The following PCMTD2 variants were observed in gnomAD, a reference collection of about 807,000 sequenced individuals.
PCMTD2 encodes protein-L-isoaspartate (D-aspartate) O-methyltransferase domain containing 2.
Under a neutral mutation model 33.4 loss-of-function variants are expected in PCMTD2, and 16 were observed. The observed-to-expected ratio is 0.48, with a 90% confidence interval of 0.32 to 0.73. The LOEUF is 0.73. Ranked by LOEUF, PCMTD2 falls within the 30% of genes least tolerant of loss-of-function variation. The pLI, the probability that PCMTD2 is intolerant of heterozygous loss-of-function variation, is 0.03. For synonymous variants in PCMTD2, 161 were observed against 160.8 expected, an observed-to-expected ratio of 1.00 and a Z score of -0.01; for missense variants, 374 against 449.9, an observed-to-expected ratio of 0.83 and a Z score of 1.53.
At position 64,267,934 on chromosome 20, in the gene PCMTD2, G is replaced by T. The variant is rs1985724037; in HGVS notation, c.630G>T (p.Lys210Asn). The T allele has an allele frequency of 2.5e-6, 4 of 1,613,546 alleles. No individual in the cohort carries two copies. Among genetic ancestry groups the T allele is most frequent in the Non-Finnish European group, 3.4e-6 (4 of 1,179,530 alleles). ...GTCCTTCAGCTTGGGAAACCAAAAA[G>T]ATTCTTGCTGTTTCTTTTGCTCCTC... ...RTGPSAWETK[K>N]ILAVSFAPLI... The change falls in exon 5 of 6, where the codon AAG becomes AAT. Residue 210 changes from lysine to asparagine, a missense_variant. Transcript: ENST00000308824.
chr20:64,265,951 A>G (rs907663163), intron 4 of PCMTD2, among the ~76,000 whole-genome samples: 8 of 152,202 alleles, frequency 5.3e-5, no homozygotes, highest in African/African-American at 1.9e-4. Context: ...TGTCACTGGG[A>G]AAAATAGTTT....
chr20:64,270,311 G>A (rs541973412), intron 5 of PCMTD2, among the ~76,000 whole-genome samples: 27 of 148,684 alleles, frequency 1.8e-4, no homozygotes, highest in African/African-American at 6.0e-4. Context: ...GTGTGGGATC[G>A]TGTGAGTGCA....
intron 1 of PCMTD2, among the ~76,000 whole-genome samples, chr20:64,259,211 G>C (rs542721225): frequency 1.3e-5 from 2 of 152,240 alleles, no homozygotes; most frequent in African/African-American, 2.4e-5. Context: ...GTCACAGTAC[G>C]TTCAATTTGG....
At chr20:64,259,359 C>T (rs954849025) in intron 1 of PCMTD2, among the ~76,000 whole-genome samples, 53 of 150,626 alleles carry the variant, frequency 3.5e-4, no homozygotes, top group African/African-American at 1.2e-3. Context: ...TAATATAGGA[C>T]ACCACCTAAA....
At chr20:64,265,077 A>G (rs916715429) in intron 3 of PCMTD2, among the ~76,000 whole-genome samples, 181 bp from the exon 4 acceptor site, 1 of 152,232 alleles carries the variant, frequency 6.6e-6, no homozygotes, top group Non-Finnish European at 1.5e-5. Flanking sequence ...AGTTCTAGTT[A>G]TATAGTATAA....
chr20:64,274,344 A>G lies in PCMTD2; in HGVS notation c.*744A>G, dbSNP rs1366218010. On this transcript the variant is annotated 3_prime_UTR_variant, in exon 6 of 6. Coordinates refer to ENST00000308824, the MANE Select transcript of PCMTD2 (RefSeq NM_018257.3). ...GACATCTTTTGATACCTTTAAAAGAACCACTGTCAAGTAATCCTTAAAAGA... is the reference window on the plus strand; with the variant it reads ...GACATCTTTTGATACCTTTAAAAGAGCCACTGTCAAGTAATCCTTAAAAGA... 1 of 151,658 alleles carries G rather than the reference A, an allele frequency of 6.6e-6. No homozygotes were observed. Among genetic ancestry groups the G allele is most frequent in the East Asian group, 1.9e-4 (1 of 5,202 alleles). The allele number at this position is 151,658 out of a possible 1,614,324, so 9.4% of individuals were successfully genotyped here.
chr20:64,270,428 C>T (rs1985865700), intron 5 of PCMTD2, among the ~76,000 whole-genome samples: 1 of 142,652 alleles, frequency 7.0e-6, no homozygotes, highest in East Asian at 2.1e-4. Flanking sequence ...TGTGGGCACA[C>T]GTGATGTGTC....
intron 5 of PCMTD2, among the ~76,000 whole-genome samples, chr20:64,270,000 GTGGGGTCGTAAGTTCAGGCGTGCACGGTA>G (rs1207152232): frequency 9.4e-5 from 14 of 149,554 alleles, no homozygotes; most frequent in African/African-American, 3.5e-4. Flanking sequence ...TGTGCACGGT[GTGGGGTCGTAAGTTCAGGCGTGCACGGTA>G]TGGGGTTGTG....
intron 4 of PCMTD2, chr20:64,265,672 C>G (rs112246168): frequency 5.1e-6 from 2 of 392,488 alleles, no homozygotes; most frequent in South Asian, 1.0e-4. Flanking sequence ...CTCTGTCTCT[C>G]TCTTTTTCCT....
rs762229962 is a variant in PCMTD2 at position 64,273,537 on chromosome 20, G to A, written c.1023G>A (p.Lys341=). The A allele has an allele frequency of 6.4e-7, 1 of 1,556,046 alleles. No homozygotes were observed. The highest frequency in any genetic ancestry group is 2.1e-5 in the Admixed American group (1 of 47,226). The change falls in exon 6 of 6, where the codon AAG becomes AAA. Residue 341 remains lysine, a synonymous_variant. Coordinates refer to ENST00000308824, the MANE Select transcript of PCMTD2 (RefSeq NM_018257.3). The part of the protein sequence containing the change: ...PDPPVNFLRQ[K]VLSLPLPDPL... ...CCCCAGTGAACTTCCTACGCCAGAA[G>A]GTCCTGAGCCTCCCTCTGCCAGATC...
At chr20:64,271,819 G>A (rs550656401) in intron 5 of PCMTD2, 5 of 187,620 alleles carry the variant, frequency 2.7e-5, no homozygotes, top group African/African-American at 1.2e-4. Flanking sequence ...ACTCCTTGGA[G>A]ATCTGGAGAG....
chr20:64,256,394 C>G (rs1418727919), intron 1 of PCMTD2, among the ~76,000 whole-genome samples: 2 of 152,098 alleles, frequency 1.3e-5, no homozygotes, highest in South Asian at 4.1e-4. Flanking sequence ...GCCTGAGCTT[C>G]GGGCCTTTGT....
rs1043947155 is a variant in PCMTD2 at position 64,255,838 on chromosome 20, C to CG, written c.-55dup. The CG allele has an allele frequency of 6.8e-6, 1 of 147,416 alleles. No individual in the cohort carries two copies. The highest frequency in any genetic ancestry group is 2.5e-5 in the African/African-American group (1 of 40,176). The allele number at this position is 147,416 out of a possible 1,614,324, so 9.1% of individuals were successfully genotyped here. A position where few individuals can be genotyped will look rare whatever the true frequency, so the allele number is the denominator to read the frequency against. On this transcript the variant is annotated 5_prime_UTR_variant, in exon 1 of 6. It introduces an in-frame stop codon into an upstream open reading frame of the 5' UTR. Coordinates refer to ENST00000308824, the MANE Select transcript of PCMTD2 (RefSeq NM_018257.3). ...GAGGAGCTGCAGGTGGCAGCCCAGG[C>CG]GGTCCGAACCCGTCGGCCGGCCGAG...
At position 64,265,387 on chromosome 20, in the gene PCMTD2, T is replaced by A; in HGVS notation, c.540T>A (p.Leu180=). 1 of 1,613,560 alleles carries A rather than the reference T, an allele frequency of 6.2e-7. No individual in the cohort carries two copies. Among genetic ancestry groups the A allele is most frequent in the Non-Finnish European group, 8.5e-7 (1 of 1,179,770 alleles). The change falls in exon 4 of 6, where the codon CTT becomes CTA. Residue 180 remains leucine (L), a synonymous_variant. Transcript: ENST00000308824. ...QKEHEEYMKN[L]LKVGGILVMP... ...AGCATGAAGAGTACATGAAGAATCT[T>A]CTCAAAGTGGGAGGGATCCTTGTCA...
chr20:64,273,456 G>A lies in PCMTD2; in HGVS notation c.942G>A (p.Leu314=). 3.1e-6 allele frequency: 5 copies of A among 1,613,616 alleles called. No individual in the cohort carries two copies. Among genetic ancestry groups the A allele is most frequent in the Non-Finnish European group, 4.2e-6 (5 of 1,179,876 alleles). The change falls in exon 6 of 6, where the codon TTG becomes TTA. Residue 314 remains leucine (L), a synonymous_variant. Coordinates refer to ENST00000308824, the MANE Select transcript of PCMTD2 (RefSeq NM_018257.3). ...CAGATGACAACAGCTGTGAAGACTT[G>A]GAAGAGGAACGGAGGGAAGAAGAAG... is the stretch of plus-strand genomic sequence containing the variant. ...NPSDDNSCED[L]EEERREEEEK...
intron 2 of PCMTD2, among the ~76,000 whole-genome samples, chr20:64,261,237 G>C (rs1985402358): frequency 6.6e-6 from 1 of 152,202 alleles, no homozygotes; most frequent in Non-Finnish European, 1.5e-5. Flanking sequence ...GAAAAGTTTT[G>C]CCGGAGGGGT....
chr20:64,267,174 GCA>G (rs1353482862), intron 4 of PCMTD2, among the ~76,000 whole-genome samples: 14 of 152,304 alleles, frequency 9.2e-5, no homozygotes, highest in African/African-American at 3.1e-4. Context: ...CACACAGAGT[GCA>G]CAGAGGGTCA....
chr20:64,273,195 CTG>C, intron 5 of PCMTD2, 24 bp from the exon 6 acceptor site: 1 of 1,595,512 alleles, frequency 6.3e-7, no homozygotes, highest in South Asian at 1.1e-5. Flanking sequence ...ATGCATTTGA[CTG>C]TGTCTCACTC....
At chr20:64,265,583 A>C in intron 4 of PCMTD2, 154 bp downstream of exon 4, 1 of 562,094 alleles carries the variant, frequency 1.8e-6, no homozygotes, top group Non-Finnish European at 2.9e-6. Context: ...GGTCACGCAC[A>C]TGCCCTAGCT....
Sources: allele counts gnomAD v4.1 joint callset (sites outside exome capture counted in the v4.1 genomes callset), GRCh38; gene constraint gnomAD v4.1.1; transcripts MANE v1.5; gene names NCBI Gene and HGNC (gene_info 2026-07-23, HGNC 2026-07-21).